Variants in LARP1B observed in about 807,000 individuals in gnomAD.
LARP1B encodes the protein la-related protein 1B.
In LARP1B, 76 loss-of-function variants were observed where a neutral mutation model predicts 114.2. That is an observed-to-expected ratio of 0.67 (90% CI 0.55 to 0.81). The LOEUF is 0.81. LARP1B is among the 30% of genes least tolerant of loss of function. The pLI is 0.00. For synonymous variants in LARP1B, 345 were observed against 348.0 expected (o/e 0.99, Z 0.10); for missense variants, 1,014 against 1,075.8 (o/e 0.94, Z 0.80).
chr4:128,089,040 C>T (rs1774817465), intron 5 of LARP1B, among the ~76,000 whole-genome samples: 1 of 151,968 alleles, frequency 6.6e-6, no homozygotes, highest in Non-Finnish European at 1.5e-5. Context: ...GGGTAATGTT[C>T]TCAGTGAGGG....
chr4:128,178,103 T>C (rs1383176966), intron 13 of LARP1B, among the ~76,000 whole-genome samples: 1 of 149,880 alleles, frequency 6.7e-6, no homozygotes, highest in African/African-American at 2.4e-5. Flanking sequence ...TAATATTACA[T>C]ATATGTAATA....
At chr4:128,161,710 C>T (rs1738597170) in intron 11 of LARP1B, among the ~76,000 whole-genome samples, 1 of 152,094 alleles carries the variant, frequency 6.6e-6, no homozygotes, top group Non-Finnish European at 1.5e-5. Context: ...AAATTCTCAT[C>T]CTTCAAGAGG....
intron 1 of LARP1B, among the ~76,000 whole-genome samples, chr4:128,065,311 TTCTTTCTCTC>T (rs1346946022): frequency 3.4e-5 from 3 of 88,304 alleles, no homozygotes; most frequent in Admixed American, 1.3e-4. Context: ...CTTTCTTTCT[TTCTTTCTCTC>T]TCTCTCTCTC....
intron 11 of LARP1B, among the ~76,000 whole-genome samples, chr4:128,130,998 A>G (rs1448741864): frequency 6.6e-6 from 1 of 152,248 alleles, no homozygotes; most frequent in East Asian, 1.9e-4. Flanking sequence ...AGTAACAGTA[A>G]AAAGATCAGT....
In LARP1B at chr4:128,074,915, C is replaced by G. The variant is rs1767196340; in HGVS notation, c.-18-19C>G. On this transcript the variant is annotated intron_variant, in intron 2 of 19. Coordinates refer to ENST00000326639, the MANE Select transcript of LARP1B (RefSeq NM_018078.4). Reference sequence around the variant, plus strand: ...TCTAAAAGTAATTTCAGACCTAACACTTATTTGTTACTTCTTAGGCTAGTG... The same window carrying G: ...TCTAAAAGTAATTTCAGACCTAACAGTTATTTGTTACTTCTTAGGCTAGTG... The G allele has an allele frequency of 6.4e-7, 1 of 1,553,786 alleles. No individual in the cohort carries two copies. The highest frequency in any genetic ancestry group is 1.8e-5 in the Admixed American group (1 of 55,640).
At chr4:128,212,643 T>C (rs962947468), downstream of LARP1B, among the ~76,000 whole-genome samples, 17 of 152,020 alleles carry the variant, frequency 1.1e-4, no homozygotes, top group Admixed American at 9.8e-4. Flanking sequence ...AGTGAGACTC[T>C]GTCTCAAAAA....
intron 15 of LARP1B, among the ~76,000 whole-genome samples, chr4:128,193,172 T>C (rs1269311557): frequency 6.6e-6 from 1 of 152,224 alleles, no homozygotes; most frequent in East Asian, 1.9e-4. Flanking sequence ...TATTTTTCTT[T>C]AGACAGTTAT....
At chr4:128,103,970 T>G (rs942068166) in intron 8 of LARP1B, among the ~76,000 whole-genome samples, 1 of 151,826 alleles carries the variant, frequency 6.6e-6, no homozygotes, top group Non-Finnish European at 1.5e-5. Context: ...AAATATTTTC[T>G]TTTAAATTGA....
intron 12 of LARP1B, 32 bp from the exon 13 acceptor site, chr4:128,176,840 C>T: frequency 6.2e-7 from 1 of 1,605,134 alleles, no homozygotes. Context: ...GCAGACACAG[C>T]ACAAAAAGGG....
At position 128,077,637 on chromosome 4, in the gene LARP1B, T is replaced by A. The variant is rs1001212292; in HGVS notation, c.43-151T>A. On this transcript the variant is annotated intron_variant, in intron 3 of 19. Transcript: ENST00000326639. ...TTTCTCCTAGTCTGCAGCTTTACTT[T>A]TAACTGTCTTTTGAAAAGTAATTTT... is the stretch of plus-strand genomic sequence containing the variant. 19 of 754,084 alleles carry A rather than the reference T, an allele frequency of 2.5e-5. No homozygotes were observed. In the East Asian group the frequency reaches 5.5e-4, roughly 22 times the overall value. 46.7% of individuals were successfully genotyped at this position (754,084 alleles called of 1,614,324 possible).
chr4:128,209,887 G>C lies in LARP1B; in HGVS notation c.2579G>C (p.Arg860Thr). 1 of 1,613,982 alleles carries C rather than the reference G, an allele frequency of 6.2e-7. No individual in the cohort carries two copies. The highest frequency in any genetic ancestry group is 8.5e-7 in the Non-Finnish European group (1 of 1,179,948). ...PPISDEFGRK[R>T]HSSTSGEESN... ...ATTAGTGATGAATTTGGAAGAAAAAGACATTCCTCTACTTCTGGTGAGGAG... is the reference window on the plus strand; with the variant it reads ...ATTAGTGATGAATTTGGAAGAAAAACACATTCCTCTACTTCTGGTGAGGAG... The change falls in exon 20 of 20, where the codon AGA becomes ACA. Residue 860 changes from arginine to threonine, a missense_variant. Coordinates refer to ENST00000326639, the MANE Select transcript of LARP1B (RefSeq NM_018078.4).
At chr4:128,131,214 A>G (rs1000190104) in intron 11 of LARP1B, among the ~76,000 whole-genome samples, 1 of 152,148 alleles carries the variant, frequency 6.6e-6, no homozygotes, top group African/African-American at 2.4e-5. Context: ...GCAGGATGAT[A>G]GTGTGGGAGG....
chr4:128,151,725 C>T (rs1732878900), intron 11 of LARP1B, among the ~76,000 whole-genome samples: 1 of 151,990 alleles, frequency 6.6e-6, no homozygotes, highest in African/African-American at 2.4e-5. Flanking sequence ...GCCTCAGCCT[C>T]CTGAGTAGCT....
At position 128,065,253 on chromosome 4, in the gene LARP1B, A is replaced by ATCTTTCTTTC. The variant is rs1761982967; in HGVS notation, c.-78+3853_-78+3854insCTTTCTTTCT. On this transcript the variant is annotated intron_variant, in intron 1 of 19. Transcript: ENST00000326639. The stretch of plus-strand genomic sequence containing the variant: ...ACTCTGCACTGTTCTCCCACAATTA[A>ATCTTTCTTTC]TTTCTTTCTTTCTTTCTTTCTTTCT... Among the ~76,000 whole-genome samples, 52 of 89,584 alleles carry ATCTTTCTTTC rather than the reference A, an allele frequency of 5.8e-4. 1 individual carries two copies. The highest frequency in any genetic ancestry group is 1.4e-3 in the African/African-American group (33 of 24,122). The allele number at this position is 89,584 out of a possible 152,430, so 58.8% of individuals were successfully genotyped here.
In LARP1B at chr4:128,075,013, T is replaced by G. The variant is rs891318675; in HGVS notation, c.42+20T>G. The G allele has an allele frequency of 6.5e-7, 1 of 1,531,890 alleles. No individual in the cohort carries two copies. The highest frequency in any genetic ancestry group is 8.9e-7 in the Non-Finnish European group (1 of 1,118,082). 94.9% of individuals were successfully genotyped at this position (1,531,890 alleles called of 1,614,324 possible). ...ACTGGAGTGAGTATTGTTTTAAAGTTTTTTTTTTTAAAGAAAGGAAAATGT... is the reference window on the plus strand; with the variant it reads ...ACTGGAGTGAGTATTGTTTTAAAGTGTTTTTTTTTAAAGAAAGGAAAATGT... On this transcript the variant is annotated intron_variant, in intron 3 of 19. Coordinates refer to ENST00000326639, the MANE Select transcript of LARP1B (RefSeq NM_018078.4).
intron 8 of LARP1B, among the ~76,000 whole-genome samples, chr4:128,103,622 G>A (rs1222738947): frequency 6.7e-6 from 1 of 150,138 alleles, no homozygotes; most frequent in African/African-American, 2.5e-5. Context: ...GAGTGCGGTG[G>A]CATGATCTTG....
chr4:128,111,420 C>T (rs1227267259), intron 9 of LARP1B, among the ~76,000 whole-genome samples: 1 of 151,962 alleles, frequency 6.6e-6, no homozygotes, highest in African/African-American at 2.4e-5. Flanking sequence ...GTTCTCTGGG[C>T]CAGGTGCAGT....
At chr4:128,181,134 T>C (rs1157309500) in intron 15 of LARP1B, among the ~76,000 whole-genome samples, 1 of 152,168 alleles carries the variant, frequency 6.6e-6, no homozygotes, top group Non-Finnish European at 1.5e-5. Flanking sequence ...AGTGTAGTTA[T>C]TGATGTGGTT....
chr4:128,064,222 A>C (rs373533736), intron 1 of LARP1B, among the ~76,000 whole-genome samples: 1 of 145,706 alleles, frequency 6.9e-6, no homozygotes, highest in Admixed American at 7.2e-5. Flanking sequence ...CAGTGAGCCA[A>C]GACTGAGCCA....
Sources: allele counts gnomAD v4.1 joint callset (sites outside exome capture counted in the v4.1 genomes callset), GRCh38; gene constraint gnomAD v4.1.1; transcripts MANE v1.5; gene names NCBI Gene and HGNC (gene_info 2026-07-23, HGNC 2026-07-21).